The following DMD variants were observed in gnomAD, a reference collection of about 807,000 sequenced individuals.
DMD encodes dystrophin.
Under a neutral mutation model 330.1 loss-of-function variants are expected in DMD, and 63 were observed. The ratio of observed to expected loss-of-function variants is 0.19; its 90% CI spans 0.16 to 0.24. DMD has a LOEUF of 0.24. Among genes scored for constraint, DMD ranks in the 10% least tolerant of loss-of-function variants. The pLI is 1.00. For synonymous variants in DMD, 1,223 were observed against 959.8 expected (o/e 1.27, Z -5.07); for missense variants, 3,344 against 2,684.1 (o/e 1.25, Z -5.43).
chrX:32,548,749 G>C (rs370018867), intron 16 of DMD, among the ~76,000 whole-genome samples: 1 of 111,471 alleles, frequency 9.0e-6, no homozygotes, highest in South Asian at 3.7e-4. Flanking sequence ...AATTTTGAAA[G>C]TTTTGCCAAA....
At chrX:33,204,990 C>T (rs941760495) in intron 1 of DMD, among the ~76,000 whole-genome samples, 2 of 112,365 alleles carry the variant, frequency 1.8e-5, no homozygotes, top group Non-Finnish European at 3.8e-5. Flanking sequence ...GTGTGTACAC[C>T]TAATCCAAAG....
intron 67 of DMD, among the ~76,000 whole-genome samples, chrX:31,198,175 G>T (rs1256543252): frequency 9.0e-6 from 1 of 111,117 alleles, no homozygotes; most frequent in Non-Finnish European, 1.9e-5. Context: ...TCTAGTGTTT[G>T]GTAGCACAAT....
chrX:32,499,731 C>A (rs954757713), intron 19 of DMD, among the ~76,000 whole-genome samples: 4 of 110,960 alleles, frequency 3.6e-5, no homozygotes, highest in African/African-American at 1.3e-4. Flanking sequence ...AGCTACACCA[C>A]TCAACTGTAC....
chrX:33,115,548 G>A (rs1185670856), intron 1 of DMD, among the ~76,000 whole-genome samples: 3 of 105,856 alleles, frequency 2.8e-5, no homozygotes, highest in Non-Finnish European at 5.8e-5. Flanking sequence ...GTCTCGCTCT[G>A]TGGCCCAGGC....
intron 7 of DMD, among the ~76,000 whole-genome samples, chrX:32,711,465 C>T (rs746853361): frequency 9.0e-6 from 1 of 111,555 alleles, no homozygotes; most frequent in East Asian, 2.8e-4. Flanking sequence ...TCAATGGGAA[C>T]GTGCCCCTTG....
intron 16 of DMD, among the ~76,000 whole-genome samples, chrX:32,558,656 A>G (rs1364599207): frequency 8.9e-6 from 1 of 111,742 alleles, no homozygotes; most frequent in Non-Finnish European, 1.9e-5. Flanking sequence ...AAAGAGAAAC[A>G]TATCAAAGAC....
At chrX:33,314,296 C>CA (rs2053894597) in intron 1 of DMD, among the ~76,000 whole-genome samples, 1 of 109,824 alleles carries the variant, frequency 9.1e-6, no homozygotes, top group South Asian at 3.9e-4. Context: ...GTCACTCTGT[C>CA]GCCCAGGCTG....
At chrX:32,252,767 TATATAA>T in intron 43 of DMD, among the ~76,000 whole-genome samples, 1 of 54,509 alleles carries the variant, frequency 1.8e-5, no homozygotes, top group Non-Finnish European at 2.9e-5. Flanking sequence ...TATATAAATA[TATATAA>T]ATATATATAA....
At chrX:31,883,743 TTAA>T (rs1174255133) in intron 47 of DMD, among the ~76,000 whole-genome samples, 1 of 111,812 alleles carries the variant, frequency 8.9e-6, no homozygotes, top group African/African-American at 3.2e-5. Context: ...CTGAAAAATA[TTAA>T]TGACATATTA....
intron 7 of DMD, among the ~76,000 whole-genome samples, chrX:32,716,701 A>G (rs1256567540): frequency 9.0e-6 from 1 of 111,093 alleles, no homozygotes; most frequent in East Asian, 2.8e-4. Flanking sequence ...AACTTCCTAG[A>G]GACTTGAACT....
At chrX:32,504,745 T>C (rs1200284463) in intron 18 of DMD, among the ~76,000 whole-genome samples, 1 of 111,346 alleles carries the variant, frequency 9.0e-6, no homozygotes, top group Non-Finnish European at 1.9e-5. Flanking sequence ...CAAGAAACAC[T>C]GCGGACTACT....
At chrX:31,185,163 T>A (rs904974189) in intron 67 of DMD, among the ~76,000 whole-genome samples, 1 of 111,700 alleles carries the variant, frequency 9.0e-6, no homozygotes, top group African/African-American at 3.3e-5. Context: ...TTCTATCTTG[T>A]GCTGTTTCTA....
chrX:31,775,519 C>A (rs781492601), intron 50 of DMD, among the ~76,000 whole-genome samples: 1 of 110,605 alleles, frequency 9.0e-6, no homozygotes, highest in Non-Finnish European at 1.9e-5. Context: ...GGAAGGAATG[C>A]CTAATCAAGT....
At chrX:32,230,772 A>G (rs1779696266) in intron 43 of DMD, among the ~76,000 whole-genome samples, 1 of 111,682 alleles carries the variant, frequency 9.0e-6, no homozygotes, top group South Asian at 3.7e-4. Flanking sequence ...GGCATAATAT[A>G]TATTTCACAG....
chrX:32,535,030 T>C (rs972940272), intron 17 of DMD, among the ~76,000 whole-genome samples: 2 of 111,520 alleles, frequency 1.8e-5, no homozygotes, highest in Non-Finnish European at 3.8e-5. Context: ...GAATTAATAA[T>C]TGGAAACTCA....
In DMD at chrX:31,750,506, G is replaced by C. The variant is rs75274690; in HGVS notation, c.7543-20758C>G. Among the ~76,000 whole-genome samples, 5 of 110,783 alleles carry C rather than the reference G, an allele frequency of 4.5e-5. No homozygotes were observed. The South Asian group carries it at 1.9e-3, about 43-fold the overall frequency. ...TCTGTTCTGTTCCATTGATCTATAT[G>C]TCTGTTTTGGTACCAGTACCATGCT... On this transcript the variant is annotated intron_variant, in intron 51 of 78. Coordinates refer to ENST00000357033, the MANE Select transcript of DMD (RefSeq NM_004006.3).
intron 57 of DMD, among the ~76,000 whole-genome samples, chrX:31,491,025 T>A (rs933520107): frequency 9.8e-5 from 11 of 112,583 alleles, no homozygotes; most frequent in African/African-American, 3.2e-4. Context: ...TTTAATAATG[T>A]ATGTATTGAT....
In DMD at chrX:32,449,627, T is replaced by A. The variant is rs1194865431; in HGVS notation, c.3604-989A>T. On this transcript the variant is annotated intron_variant, in intron 26 of 78. Transcript: ENST00000357033. ...CACACGCACCCCCTGGCCTCCATGTTGTGTATTCTCCCTCATTGCAAAAAA... is the reference window on the plus strand; with the variant it reads ...CACACGCACCCCCTGGCCTCCATGTAGTGTATTCTCCCTCATTGCAAAAAA... Among the ~76,000 whole-genome samples, 4 of 108,028 alleles carry A rather than the reference T, an allele frequency of 3.7e-5. No individual in the cohort carries two copies. The Admixed American group carries it at 4.0e-4, about 11-fold the overall frequency. The allele number at this position is 108,028 out of a possible 115,157, so 93.8% of individuals were successfully genotyped here.
intron 44 of DMD, among the ~76,000 whole-genome samples, chrX:32,172,957 A>C (rs1321633918): frequency 4.5e-5 from 5 of 110,913 alleles, no homozygotes; most frequent in Non-Finnish European, 9.4e-5. Context: ...TATCAGAATG[A>C]TCTGGCTAAG....
Sources: allele counts gnomAD v4.1 joint callset (sites outside exome capture counted in the v4.1 genomes callset), GRCh38; gene constraint gnomAD v4.1.1; transcripts MANE v1.5; gene names NCBI Gene and HGNC (gene_info 2026-07-23, HGNC 2026-07-21).